Variants in LPP observed in about 807,000 individuals in gnomAD.
LPP encodes LIM domain containing preferred translocation partner in lipoma, also known as lipoma-preferred partner.
A neutral mutation model predicts 60.4 loss-of-function variants in LPP; 38 were observed. That is an observed-to-expected ratio of 0.63 (90% CI 0.49 to 0.83). LPP has a LOEUF of 0.83. LPP is among the 40% of genes least tolerant of loss of function. The pLI is 0.00. For missense variants in LPP, 902 were observed against 783.6 expected (o/e 1.15, Z -1.80); for synonymous variants, 328 against 290.8 (o/e 1.13, Z -1.30).
intron 3 of LPP, among the ~76,000 whole-genome samples, chr3:188,397,138 G>A (rs1781142440): frequency 6.6e-6 from 1 of 152,080 alleles, no homozygotes; most frequent in African/African-American, 2.4e-5. Context: ...ACCCCATCTA[G>A]TTATAATCTA....
intron 2 of LPP, among the ~76,000 whole-genome samples, chr3:188,302,956 A>G (rs1750398115): frequency 6.6e-6 from 1 of 152,190 alleles, no homozygotes. Flanking sequence ...ATGGGGGTGG[A>G]TAAAAGAGGT....
intron 9 of LPP, among the ~76,000 whole-genome samples, chr3:188,830,724 G>C (rs1020341079): frequency 1.3e-5 from 2 of 152,148 alleles, no homozygotes; most frequent in African/African-American, 2.4e-5. Context: ...GAAAATCCAA[G>C]AGGTCTCCAC....
In LPP at chr3:188,884,167, G is replaced by A. The variant is rs1770390621; in HGVS notation, c.*9688G>A. ...AATAGCGCAGGGAGGACAGTTATTAGTACCCCTATTCTAGAAGAGAAAGCT... is the reference window on the plus strand; with the variant it reads ...AATAGCGCAGGGAGGACAGTTATTAATACCCCTATTCTAGAAGAGAAAGCT... On this transcript the variant is annotated 3_prime_UTR_variant, in exon 12 of 12. Transcript: ENST00000617246. 4.4e-6 allele frequency: 1 copy of A among 227,194 alleles called. No homozygotes were observed. The highest frequency in any genetic ancestry group is 1.3e-3 in the Middle Eastern group (1 of 756). 14.1% of individuals were successfully genotyped at this position (227,194 alleles called of 1,614,324 possible).
In LPP at chr3:188,885,861, G is replaced by A. The variant is rs1770596722; in HGVS notation, c.*11382G>A. Reference sequence around the variant, plus strand: ...TGGTGTGAGATGGTATCTCATAGTGGTTTTGATTTGCATTTCTCTGATGGC... The same window carrying A: ...TGGTGTGAGATGGTATCTCATAGTGATTTTGATTTGCATTTCTCTGATGGC... On this transcript the variant is annotated 3_prime_UTR_variant, in exon 12 of 12. Transcript: ENST00000617246. The A allele has an allele frequency of 6.6e-6, 1 of 152,088 alleles. No individual in the cohort carries two copies. Among genetic ancestry groups the A allele is most frequent in the South Asian group, 2.1e-4 (1 of 4,808 alleles). The allele number at this position is 152,088 out of a possible 1,614,324, so 9.4% of individuals were successfully genotyped here.
At chr3:188,721,414 T>G (rs771729404) in intron 8 of LPP, among the ~76,000 whole-genome samples, 9 of 151,914 alleles carry the variant, frequency 5.9e-5, no homozygotes, top group African/African-American at 2.2e-4. Flanking sequence ...TATTACTAGG[T>G]ATAGTGATGC....
At chr3:188,306,644 C>G (rs761223459) in intron 2 of LPP, among the ~76,000 whole-genome samples, 1 of 152,130 alleles carries the variant, frequency 6.6e-6, no homozygotes, top group Non-Finnish European at 1.5e-5. Flanking sequence ...ATGCCATGCT[C>G]TGGGCATGTG....
In LPP at chr3:188,843,786, C is replaced by CAAAAAAAAAAAAAAAAAAAAAA. The variant is rs544161994; in HGVS notation, c.1411-22402_1411-22401insAAAAAAAAAAAAAAAAAAAAAA. On this transcript the variant is annotated intron_variant, in intron 9 of 11. Coordinates refer to ENST00000617246, the MANE Select transcript of LPP (RefSeq NM_001375462.1). ...TGGGCGACAGAGCAAGACTCCGTCT[C>CAAAAAAAAAAAAAAAAAAAAAA]AAAAAAAAAAAATCCTTCCTCTGGG... 5.6e-4 allele frequency among the ~76,000 whole-genome samples: 42 copies of CAAAAAAAAAAAAAAAAAAAAAA among 75,674 alleles called. 1 individual carries two copies. Among genetic ancestry groups the CAAAAAAAAAAAAAAAAAAAAAA allele is most frequent in the African/African-American group, 1.8e-3 (36 of 20,450 alleles). 49.6% of individuals were successfully genotyped at this position (75,674 alleles called of 152,430 possible).
chr3:188,447,194 C>G (rs1795423244), intron 4 of LPP, among the ~76,000 whole-genome samples: 2 of 152,194 alleles, frequency 1.3e-5, no homozygotes, highest in Admixed American at 6.5e-5. Context: ...ACTTGAGAGA[C>G]TCTGATTTCA....
At chr3:188,361,096 G>A (rs1473719597) in intron 3 of LPP, among the ~76,000 whole-genome samples, 2 of 152,122 alleles carry the variant, frequency 1.3e-5, no homozygotes, top group Admixed American at 6.5e-5. Context: ...TGGAGCTGAC[G>A]GGATGTTGGG....
At chr3:188,739,155 G>A (rs1044681282) in intron 8 of LPP, among the ~76,000 whole-genome samples, 10 of 152,072 alleles carry the variant, frequency 6.6e-5, no homozygotes, top group African/African-American at 2.4e-4. Flanking sequence ...AAGAAGTTAT[G>A]TATGCTTTGG....
At chr3:188,188,297 C>T (rs1727174907) in intron 1 of LPP, among the ~76,000 whole-genome samples, 2 of 152,110 alleles carry the variant, frequency 1.3e-5, no homozygotes, top group African/African-American at 2.4e-5. Context: ...GGGAGTACCA[C>T]CTCTGAATCA....
chr3:188,790,674 T>C lies in LPP; in HGVS notation c.1410+30392T>C, dbSNP rs528634101. On this transcript the variant is annotated intron_variant, in intron 9 of 11. Coordinates refer to ENST00000617246, the MANE Select transcript of LPP (RefSeq NM_001375462.1). ...TTGTCTCTACTAAAAATACAAAAAT[T>C]AGTCGGGTGTGGTGGCGGGCACCTG... 5.3e-5 allele frequency among the ~76,000 whole-genome samples: 8 copies of C among 151,902 alleles called. No individual in the cohort carries two copies. The East Asian group carries it at 1.6e-3, about 30-fold the overall frequency.
rs569787492 is a variant in LPP at position 188,659,149 on chromosome 3, G to T, written c.1114-49118G>T. 3.3e-5 allele frequency among the ~76,000 whole-genome samples: 5 copies of T among 152,154 alleles called. No individual in the cohort carries two copies. In the East Asian group the frequency reaches 9.7e-4, roughly 29 times the overall value. ...CTTTATGGTGTAAAATAACCTGTTA[G>T]GTAGCAGGGATAATTTTTCTTCAGC... On this transcript the variant is annotated intron_variant, in intron 7 of 11. Coordinates refer to ENST00000617246, the MANE Select transcript of LPP (RefSeq NM_001375462.1).
chr3:188,687,966 G>A (rs1393675608), intron 7 of LPP, among the ~76,000 whole-genome samples: 1 of 151,816 alleles, frequency 6.6e-6, no homozygotes, highest in African/African-American at 2.4e-5. Flanking sequence ...TAGTAGAGAC[G>A]GGGTTTCACC....
At chr3:188,348,791 C>G (rs1472012532) in intron 3 of LPP, among the ~76,000 whole-genome samples, 1 of 152,048 alleles carries the variant, frequency 6.6e-6, no homozygotes, top group Non-Finnish European at 1.5e-5. Flanking sequence ...GGCCCTCGCC[C>G]TATTTCAAGG....
At chr3:188,328,187 A>AT (rs960983424) in intron 2 of LPP, among the ~76,000 whole-genome samples, 7 of 152,170 alleles carry the variant, frequency 4.6e-5, no homozygotes, top group Non-Finnish European at 1.5e-5. Context: ...GTTAGTTTCA[A>AT]TGTGGAATGT....
At chr3:188,181,293 C>T (rs543688652) in intron 1 of LPP, among the ~76,000 whole-genome samples, 1 of 145,922 alleles carries the variant, frequency 6.9e-6, no homozygotes, top group East Asian at 2.0e-4. Flanking sequence ...GCAGAGGTTG[C>T]AGTGAGCTGA....
At chr3:188,537,843 A>G (rs930329046) in intron 6 of LPP, among the ~76,000 whole-genome samples, 1 of 152,140 alleles carries the variant, frequency 6.6e-6, no homozygotes, top group African/African-American at 2.4e-5. Context: ...TAGTTTCAAA[A>G]CTTTCTTTCA....
chr3:188,204,639 C>T (rs936843364), intron 1 of LPP, among the ~76,000 whole-genome samples: 4 of 152,118 alleles, frequency 2.6e-5, no homozygotes, highest in African/African-American at 7.2e-5. Context: ...GGATTGTTTT[C>T]GTTCCTGTTT....
Sources: gnomAD v4.1 joint callset for allele counts (sites outside exome capture counted in the v4.1 genomes callset) on GRCh38, gnomAD v4.1.1 for gene constraint, MANE v1.5 for transcripts, NCBI Gene and HGNC (gene_info 2026-07-23, HGNC 2026-07-21) for gene names.